The following OCIAD1 variants were observed in gnomAD, a reference collection of about 807,000 sequenced individuals.
OCIAD1 encodes the protein OCIA domain-containing protein 1.
Under a neutral mutation model 38.9 loss-of-function variants are expected in OCIAD1, and 29 were observed. That is an observed-to-expected ratio of 0.74 (90% CI 0.55 to 1.02). OCIAD1 has a LOEUF of 1.02. Ranked by LOEUF, OCIAD1 falls within the 50% of genes least tolerant of loss-of-function variation. The probability of loss-of-function intolerance (pLI) is 0.00; values close to 1 mark genes in which losing one functional copy is unlikely to be tolerated. For missense variants in OCIAD1, 288 were observed against 289.6 expected (o/e 0.99, Z 0.04); for synonymous variants, 110 against 92.0 (o/e 1.20, Z -1.12).
intron 7 of OCIAD1, among the ~76,000 whole-genome samples, chr4:48,852,878 T>TTTG (rs1553901194): frequency 6.8e-6 from 1 of 147,202 alleles, no homozygotes; most frequent in African/African-American, 2.5e-5. Flanking sequence ...TTTTTTTGTT[T>TTTG]TTTGTTTTTT....
At chr4:48,808,971 C>T (rs1489988681) in intron 1 of OCIAD1, among the ~76,000 whole-genome samples, 7 of 152,192 alleles carry the variant, frequency 4.6e-5, no homozygotes, top group South Asian at 4.1e-4. Flanking sequence ...TTGGTAACCA[C>T]GTCCTTTTGA....
chr4:48,859,164 G>T (rs998275908), intron 8 of OCIAD1, among the ~76,000 whole-genome samples: 2 of 152,002 alleles, frequency 1.3e-5, no homozygotes, highest in South Asian at 4.1e-4. Context: ...CGGTTGCTTC[G>T]TTTGGAGTTC....
chr4:48,841,085 A>G (rs1385411254), intron 3 of OCIAD1, among the ~76,000 whole-genome samples: 3 of 152,228 alleles, frequency 2.0e-5, no homozygotes, highest in African/African-American at 7.2e-5. Flanking sequence ...GTGAAATTAC[A>G]TGAAATTCAT....
chr4:48,845,395 G>A (rs2109565300), intron 4 of OCIAD1, among the ~76,000 whole-genome samples: 1 of 152,264 alleles, frequency 6.6e-6, no homozygotes, highest in East Asian at 1.9e-4. Flanking sequence ...CTTGACCAAC[G>A]TTACATAACT....
chr4:48,839,890 G>T (rs1449263838), intron 3 of OCIAD1, among the ~76,000 whole-genome samples: 1 of 152,174 alleles, frequency 6.6e-6, no homozygotes, highest in Non-Finnish European at 1.5e-5. Context: ...AGTGGAAAAG[G>T]CCACTGACTA....
Position 48,849,990 on chromosome 4 carries a change from GAA to G in OCIAD1, c.288_289del (p.Lys96AsnfsTer10). 1 of 1,612,836 alleles carries G rather than the reference GAA, an allele frequency of 6.2e-7. No individual in the cohort carries two copies. The highest frequency in any genetic ancestry group is 8.5e-7 in the Non-Finnish European group (1 of 1,179,610). ...GYFAGKLSYV[K>X]TCQEKFKKLE... ...ACTTTGCTGGAAAACTTTCTTATGT[GAA>G]AACTTGCCAAGAGAAATTCAAGAAA... On this transcript the variant is annotated frameshift_variant, in exon 6 of 9. Coordinates refer to ENST00000264312, the MANE Select transcript of OCIAD1 (RefSeq NM_017830.4). LOFTEE classifies it high-confidence loss of function.
chr4:48,831,231 C>G lies in OCIAD1; in HGVS notation c.-24C>G, dbSNP rs1011444088. On this transcript the variant is annotated 5_prime_UTR_variant, in exon 1 of 9. Coordinates refer to ENST00000264312, the MANE Select transcript of OCIAD1 (RefSeq NM_017830.4). ...ATCGCTTGGTTTTCCTTGCAGTCGC[C>G]TGCTGCTGTCGTCGGGAGGTGGGTG... The G allele has an allele frequency of 2.3e-5, 8 of 342,334 alleles. No individual in the cohort carries two copies. Among genetic ancestry groups the G allele is most frequent in the African/African-American group, 1.7e-4 (8 of 46,448 alleles). The allele number at this position is 342,334 out of a possible 1,614,324, so 21.2% of individuals were successfully genotyped here. A position where few individuals can be genotyped will look rare whatever the true frequency, so the allele number is the denominator to read the frequency against.
chr4:48,806,325 G>C (rs1365205870), intron 1 of OCIAD1, among the ~76,000 whole-genome samples: 1 of 152,040 alleles, frequency 6.6e-6, no homozygotes, highest in Non-Finnish European at 1.5e-5. Flanking sequence ...CTAGTTTTTT[G>C]CTTTGATTAA....
At position 48,851,944 on chromosome 4, in the gene OCIAD1, T is replaced by A; in HGVS notation, c.516T>A (p.Ala172=). ...TCAGTTCTTCTATGAATGAATCTGC[T>A]CCCACTGGTATTACTGATCATATTG... is the stretch of plus-strand genomic sequence containing the variant. ...IPFSSSMNES[A]PTGITDHIVQ... Residue 172 remains alanine, a synonymous_variant, in exon 7 of 9, where the codon GCT becomes GCA. Transcript: ENST00000264312. 1 of 1,609,308 alleles carries A rather than the reference T, an allele frequency of 6.2e-7. No individual in the cohort carries two copies. Among genetic ancestry groups the A allele is most frequent in the Non-Finnish European group, 8.5e-7 (1 of 1,176,206 alleles).
intron 3 of OCIAD1, among the ~76,000 whole-genome samples, chr4:48,835,732 G>T (rs1777922850): frequency 6.6e-6 from 1 of 152,114 alleles, no homozygotes; most frequent in Admixed American, 6.6e-5. Flanking sequence ...ACTGAACCTG[G>T]CCCCAGCACA....
chr4:48,859,419 T>C (rs1428872470), intron 8 of OCIAD1, among the ~76,000 whole-genome samples: 1 of 152,178 alleles, frequency 6.6e-6, no homozygotes, highest in East Asian at 1.9e-4. Context: ...ATTTTTCTCA[T>C]TTTTGTAATC....
chr4:48,853,654 TTTAAA>T (rs1779738862), intron 7 of OCIAD1, among the ~76,000 whole-genome samples: 1 of 152,220 alleles, frequency 6.6e-6, no homozygotes, highest in South Asian at 2.1e-4. Context: ...TATGTGGCTA[TTTAAA>T]TTAATTAAAG....
chr4:48,824,474 G>A (rs1777228421), intron 1 of OCIAD1, among the ~76,000 whole-genome samples: 1 of 151,932 alleles, frequency 6.6e-6, no homozygotes, highest in Non-Finnish European at 1.5e-5. Context: ...CTGAACTCCT[G>A]GTCTCAAGTG....
chr4:48,831,073 G>A (rs1579043694), upstream of OCIAD1: 1 of 238,854 alleles, frequency 4.2e-6, no homozygotes, highest in African/African-American at 2.2e-5. Flanking sequence ...AGTGCCTCCG[G>A]GTCGCGGTCA....
At position 48,850,073 on chromosome 4, in the gene OCIAD1, C is replaced by T; in HGVS notation, c.368C>T (p.Ser123Leu). 9 of 1,611,510 alleles carry T rather than the reference C, an allele frequency of 5.6e-6. No homozygotes were observed. The highest frequency in any genetic ancestry group is 7.6e-6 in the Non-Finnish European group (9 of 1,179,428). The change falls in exon 6 of 9, where the codon TCA (serine) becomes TTA (leucine). Residue 123 changes from serine to leucine, a missense_variant. Ser to Leu is a moderately radical substitution (Grantham distance 145). Transcript: ENST00000264312. ...CGATCAGGACAAGCACGACGATCTT[C>T]ACCACCTGGGTAGGCCAGATTCTGA... is the stretch of plus-strand genomic sequence containing the variant. ...ALRSGQARRS[S>L]PPGHYYQKSK...
intron 7 of OCIAD1, among the ~76,000 whole-genome samples, chr4:48,855,340 A>G (rs1204214546): frequency 6.6e-6 from 1 of 152,220 alleles, no homozygotes; most frequent in Non-Finnish European, 1.5e-5. Context: ...ATTACTTATT[A>G]CTAATGAAAT....
intron 3 of OCIAD1, among the ~76,000 whole-genome samples, chr4:48,837,866 A>G (rs1778150531): frequency 6.6e-6 from 1 of 152,154 alleles, no homozygotes; most frequent in South Asian, 2.1e-4. Flanking sequence ...AACAATCTAA[A>G]TAGCTGTGAC....
chr4:48,810,047 T>A (rs1180559684), intron 1 of OCIAD1, among the ~76,000 whole-genome samples: 1 of 152,186 alleles, frequency 6.6e-6, no homozygotes, highest in African/African-American at 2.4e-5. Context: ...ATCCACCTCT[T>A]ATTTTGAGAA....
At chr4:48,833,327 T>C in intron 2 of OCIAD1, 74 bp from the exon 3 acceptor site, 1 of 873,458 alleles carries the variant, frequency 1.1e-6, no homozygotes, top group Admixed American at 2.3e-5. Context: ...TGTTAATGTT[T>C]AGGCTAAGAT....
Sources: gnomAD v4.1 joint callset for allele counts (sites outside exome capture counted in the v4.1 genomes callset) on GRCh38, gnomAD v4.1.1 for gene constraint, MANE v1.5 for transcripts, NCBI Gene and HGNC (gene_info 2026-07-23, HGNC 2026-07-21) for gene names.